The following ADGRV1 variants were observed in gnomAD, a reference collection of about 807,000 sequenced individuals.
ADGRV1 encodes the protein G-protein coupled receptor 98.
In ADGRV1, 359 loss-of-function variants were observed where a neutral mutation model predicts 596.2. The ratio of observed to expected loss-of-function variants is 0.60; its 90% CI spans 0.55 to 0.66. The LOEUF (loss-of-function observed/expected upper bound fraction) is 0.66, where lower values mean the gene tolerates loss of function less well. Ranked by LOEUF, ADGRV1 falls within the 30% of genes least tolerant of loss-of-function variation. The probability of loss-of-function intolerance (pLI) is 0.00; values close to 1 mark genes in which losing one functional copy is unlikely to be tolerated. For synonymous variants in ADGRV1, 2,681 were observed against 2,679.2 expected, an observed-to-expected ratio of 1.00 and a Z score of -0.02; for missense variants, 7,274 against 7,575.6, an observed-to-expected ratio of 0.96 and a Z score of 1.48.
intron 70 of ADGRV1, among the ~76,000 whole-genome samples, chr5:90,798,309 A>G (rs138170294): frequency 0.011 from 1,649 of 152,322 alleles, 31 homozygotes; most frequent in African/African-American, 0.038. Flanking sequence ...CTATGCAAAT[A>G]AACTAGAAAA....
At position 90,683,896 on chromosome 5, in the gene ADGRV1, A is replaced by G; in HGVS notation, c.5975A>G (p.Glu1992Gly). 6.2e-7 allele frequency: 1 copy of G among 1,613,544 alleles called. No individual in the cohort carries two copies. The highest frequency in any genetic ancestry group is 1.1e-5 in the South Asian group (1 of 91,022). The change falls in exon 28 of 90, where the codon GAA becomes GGA. Residue 1992 changes from glutamate to glycine, a missense_variant. By Grantham distance (98) the Glu-to-Gly change is moderately conservative (BLOSUM62 -2). Around this residue, in one of 5 missense-constraint regions of ADGRV1, gnomAD observed 3,643 missense variants for 3,809.2 expected, o/e 0.96. Coordinates refer to ENST00000405460, the MANE Select transcript of ADGRV1 (RefSeq NM_032119.4). ...SEKNRPVKVE[E>G]ATQNITLSII... The stretch of plus-strand genomic sequence containing the variant: ...AAAAACAGACCTGTTAAAGTTGAGG[A>G]AGCAACCCAGAACATCACACTATCA...
At chr5:91,103,381 A>C (rs1791563565) in intron 87 of ADGRV1, among the ~76,000 whole-genome samples, 1 of 151,426 alleles carries the variant, frequency 6.6e-6, no homozygotes, top group Non-Finnish European at 1.5e-5. Context: ...CTGGGATCTG[A>C]TGATTCAAAG....
chr5:91,117,486 TTA>T (rs1381673273), intron 87 of ADGRV1, among the ~76,000 whole-genome samples: 1 of 152,156 alleles, frequency 6.6e-6, no homozygotes, highest in Non-Finnish European at 1.5e-5. Flanking sequence ...GTAGGGACTT[TTA>T]TTCCTGCCAT....
chr5:90,815,661 C>A lies in ADGRV1; in HGVS notation c.16121C>A (p.Ser5374Tyr), dbSNP rs779932894. Reference sequence around the variant, plus strand: ...GGCATCATAGGATTCAGTGAGGAGTCCCAGAGTGGACTAGAACTCAGGGAA... The same window carrying A: ...GGCATCATAGGATTCAGTGAGGAGTACCAGAGTGGACTAGAACTCAGGGAA... ...HNGIIGFSEE[S>Y]QSGLELREGA... The change falls in exon 75 of 90, where the codon TCC becomes TAC. Residue 5374 changes from serine to tyrosine, a missense_variant. Coordinates refer to ENST00000405460, the MANE Select transcript of ADGRV1 (RefSeq NM_032119.4). The A allele has an allele frequency of 6.3e-7, 1 of 1,579,788 alleles. No homozygotes were observed. Among genetic ancestry groups the A allele is most frequent in the Non-Finnish European group, 8.6e-7 (1 of 1,161,764 alleles).
intron 85 of ADGRV1, 144 bp downstream of exon 85, chr5:90,985,666 C>A: frequency 1.7e-6 from 1 of 574,542 alleles, no homozygotes; most frequent in Non-Finnish European, 3.0e-6. Flanking sequence ...TCTAATTACT[C>A]TTTTAAATAG....
chr5:90,762,522 A>G (rs1024272798), intron 58 of ADGRV1: 2 of 152,178 alleles, frequency 1.3e-5, no homozygotes, highest in African/African-American at 4.8e-5. Flanking sequence ...TTCTGTTTGT[A>G]TAGCGGATGG....
At chr5:91,042,375 C>T (rs149218738) in intron 85 of ADGRV1, among the ~76,000 whole-genome samples, 1 of 152,302 alleles carries the variant, frequency 6.6e-6, no homozygotes, top group East Asian at 1.9e-4. Flanking sequence ...TCATTTACAG[C>T]TAGGCCAGAG....
chr5:90,635,979 T>C (rs1766146758), intron 10 of ADGRV1, among the ~76,000 whole-genome samples: 1 of 151,752 alleles, frequency 6.6e-6, no homozygotes, highest in South Asian at 2.1e-4. Context: ...GAGCATTCCA[T>C]ATGCTTGGGT....
intron 70 of ADGRV1, among the ~76,000 whole-genome samples, chr5:90,794,773 T>A (rs1403262584): frequency 6.6e-6 from 1 of 152,064 alleles, no homozygotes; most frequent in Non-Finnish European, 1.5e-5. Context: ...ATTTCCAACT[T>A]AGGTACCCGG....
chr5:90,638,244 TA>T lies in ADGRV1; in HGVS notation c.2240+306del, dbSNP rs146207847. 8.6e-3 allele frequency among the ~76,000 whole-genome samples: 1,280 copies of T among 148,566 alleles called. 15 individuals are homozygous for T. The highest frequency in any genetic ancestry group is 0.021 in the African/African-American group (852 of 40,726). On this transcript the variant is annotated intron_variant, in intron 11 of 89. Coordinates refer to ENST00000405460, the MANE Select transcript of ADGRV1 (RefSeq NM_032119.4). ...AAACATAGCTAATATGTTGTTATAT[TA>T]AAAAAAAAATAGGCACCAGCAAATC...
chr5:90,817,923 T>G (rs958381177), intron 75 of ADGRV1, among the ~76,000 whole-genome samples: 30 of 152,228 alleles, frequency 2.0e-4, no homozygotes, highest in Non-Finnish European at 4.0e-4. Context: ...ATACAAACTT[T>G]AAAGTAGTTT....
intron 87 of ADGRV1, among the ~76,000 whole-genome samples, chr5:91,120,734 C>T (rs535047414): frequency 0.011 from 1,694 of 152,170 alleles, 31 homozygotes; most frequent in African/African-American, 0.038. Flanking sequence ...ACACTGGGCT[C>T]CACCTGGCTC....
At chr5:90,920,008 A>T (rs560755910) in intron 83 of ADGRV1, among the ~76,000 whole-genome samples, 2 of 151,478 alleles carry the variant, frequency 1.3e-5, no homozygotes, top group African/African-American at 4.9e-5. Flanking sequence ...AAAAAAAAAA[A>T]AAAAAAAGAA....
At chr5:90,818,883 G>T (rs1489273936) in intron 75 of ADGRV1, among the ~76,000 whole-genome samples, 10 of 148,550 alleles carry the variant, frequency 6.7e-5, no homozygotes, top group Admixed American at 2.0e-4. Context: ...TCTCTTTTTT[G>T]GTTGTGTCTC....
At chr5:90,852,366 C>T (rs1743606955) in intron 79 of ADGRV1, among the ~76,000 whole-genome samples, 1 of 152,200 alleles carries the variant, frequency 6.6e-6, no homozygotes, top group South Asian at 2.1e-4. Flanking sequence ...ACATACTCTA[C>T]ATCTATTGTG....
intron 84 of ADGRV1, among the ~76,000 whole-genome samples, chr5:90,971,394 AT>A (rs1433549212): frequency 6.6e-6 from 1 of 151,926 alleles, no homozygotes; most frequent in East Asian, 1.9e-4. Context: ...AAGACACATA[AT>A]TGTCAGATTC....
Position 90,708,923 on chromosome 5 carries a change from C to G in ADGRV1, c.8824+14C>G, listed in dbSNP as rs1440887398. On this transcript the variant is annotated intron_variant, in intron 39 of 89. Coordinates refer to ENST00000405460, the MANE Select transcript of ADGRV1 (RefSeq NM_032119.4). Reference sequence around the variant, plus strand: ...CTCCCAGACTAGGTATGAGGGGTTTCTTGTTTGTTTCTTTTTGCTCACTTC... The same window carrying G: ...CTCCCAGACTAGGTATGAGGGGTTTGTTGTTTGTTTCTTTTTGCTCACTTC... 1.3e-6 allele frequency: 2 copies of G among 1,563,872 alleles called. No individual in the cohort carries two copies. The highest frequency in any genetic ancestry group is 1.1e-5 in the South Asian group (1 of 89,522).
chr5:90,747,120 T>G (rs1217446698), intron 52 of ADGRV1, among the ~76,000 whole-genome samples: 1 of 152,100 alleles, frequency 6.6e-6, no homozygotes, highest in African/African-American at 2.4e-5. Flanking sequence ...AAGGGCTGTT[T>G]GGAGGAAATG....
chr5:90,732,881 C>T (rs760406630), intron 50 of ADGRV1, among the ~76,000 whole-genome samples: 20 of 152,194 alleles, frequency 1.3e-4, no homozygotes, highest in Non-Finnish European at 2.2e-4. Context: ...CAGTTTTGAC[C>T]TCTGAAATCC....
Sources: gnomAD v4.1 joint callset for allele counts (sites outside exome capture counted in the v4.1 genomes callset) on GRCh38, gnomAD v4.1.1 for gene constraint, gnomAD v4.1.1 regional missense constraint, MANE v1.5 for transcripts, NCBI Gene and HGNC (gene_info 2026-07-23, HGNC 2026-07-21) for gene names.